Variants in AGBL1 observed in about 807,000 individuals in gnomAD.
The protein encoded by AGBL1 is cytosolic carboxypeptidase 4.
Under a neutral mutation model 118.9 loss-of-function variants are expected in AGBL1, and 130 were observed. The observed-to-expected ratio is 1.09, with a 90% confidence interval of 0.95 to 1.26. AGBL1 has a LOEUF of 1.26. Ranked by LOEUF, AGBL1 falls within the 50% of genes most tolerant of loss-of-function variation. AGBL1 has a pLI of 0.00. For synonymous variants in AGBL1, 555 were observed against 478.9 expected (o/e 1.16, Z -2.08); for missense variants, 1,584 against 1,298.1 (o/e 1.22, Z -3.38).
chr15:86,991,870 A>G (rs994059994), intron 24 of AGBL1, among the ~76,000 whole-genome samples: 3 of 152,228 alleles, frequency 2.0e-5, no homozygotes, highest in Admixed American at 6.5e-5. Context: ...TCCTGAAACA[A>G]TTGTATTAGT....
intron 21 of AGBL1, among the ~76,000 whole-genome samples, chr15:86,654,975 A>C (rs1435950982): frequency 6.6e-6 from 1 of 152,142 alleles, no homozygotes; most frequent in African/African-American, 2.4e-5. Flanking sequence ...TTTTCAGAGC[A>C]GCCTTGCAGA....
intron 22 of AGBL1, among the ~76,000 whole-genome samples, chr15:86,742,001 G>T (rs1240707700): frequency 4.7e-5 from 7 of 148,596 alleles, no homozygotes; most frequent in African/African-American, 1.7e-4. Flanking sequence ...TAAACTATGA[G>T]TGGCTTAAAA....
chr15:86,905,153 G>T (rs943204153), intron 22 of AGBL1, among the ~76,000 whole-genome samples: 1 of 151,932 alleles, frequency 6.6e-6, no homozygotes, highest in Non-Finnish European at 1.5e-5. Context: ...GTGAAGGCTT[G>T]GGAAAATATT....
intron 22 of AGBL1, among the ~76,000 whole-genome samples, chr15:86,837,225 A>AG (rs2079181945): frequency 1.8e-5 from 1 of 55,220 alleles, no homozygotes; most frequent in Non-Finnish European, 4.8e-5. Flanking sequence ...CCTGACTATC[A>AG]AAAAAAAAAA....
chr15:86,317,757 T>C (rs1050016213), intron 17 of AGBL1, among the ~76,000 whole-genome samples: 7 of 152,220 alleles, frequency 4.6e-5, no homozygotes. Flanking sequence ...TCTGACTTTG[T>C]CACACAAAAG....
At chr15:86,906,837 G>A (rs987080665) in intron 22 of AGBL1, among the ~76,000 whole-genome samples, 10 of 152,160 alleles carry the variant, frequency 6.6e-5, no homozygotes, top group Non-Finnish European at 7.3e-5. Flanking sequence ...TCAAGGTTGA[G>A]GACACAGGGG....
intron 22 of AGBL1, among the ~76,000 whole-genome samples, chr15:86,842,884 A>C (rs890124408): frequency 2.6e-4 from 39 of 152,042 alleles, no homozygotes; most frequent in African/African-American, 9.4e-4. Flanking sequence ...AATTGTCTTT[A>C]GCGGGGTTAC....
chr15:86,988,244 C>T lies in AGBL1; in HGVS notation c.3323+156C>T, dbSNP rs567887333. The T allele has an allele frequency of 3.6e-6, 3 of 840,976 alleles. No homozygotes were observed. In the East Asian group the frequency reaches 7.9e-5, roughly 22 times the overall value. The allele number at this position is 840,976 out of a possible 1,614,324, so 52.1% of individuals were successfully genotyped here. A position where few individuals can be genotyped will look rare whatever the true frequency, so the allele number is the denominator to read the frequency against. ...TACCCTTCAGCTTTGCAAGACAATG[C>T]CAACTTCTTTTCCAAAGTGGTTGCA... On this transcript the variant is annotated intron_variant, in intron 24 of 24. Coordinates refer to the AGBL1 transcript ENST00000441037.
intron 3 of AGBL1, among the ~76,000 whole-genome samples, chr15:86,147,315 C>T (rs1007717246): frequency 6.6e-6 from 1 of 152,220 alleles, no homozygotes; most frequent in African/African-American, 2.4e-5. Context: ...AGGGCGTCGC[C>T]TCACCTGAGA....
chr15:86,208,750 T>C (rs1597554090), intron 5 of AGBL1, among the ~76,000 whole-genome samples: 2 of 152,220 alleles, frequency 1.3e-5, no homozygotes, highest in African/African-American at 2.4e-5. Context: ...ATCAATTATG[T>C]TGATGTTTTC....
At chr15:86,727,486 A>G (rs2086838216) in intron 22 of AGBL1, among the ~76,000 whole-genome samples, 1 of 152,168 alleles carries the variant, frequency 6.6e-6, no homozygotes, top group Admixed American at 6.5e-5. Flanking sequence ...ACTAATGAAC[A>G]TAGTCCTTGC....
At chr15:86,150,957 T>C (rs1228181190) in intron 3 of AGBL1, among the ~76,000 whole-genome samples, 2 of 152,122 alleles carry the variant, frequency 1.3e-5, no homozygotes, top group South Asian at 4.1e-4. Flanking sequence ...ATATACACCA[T>C]GGAATACTAT....
rs1166813755 is a variant in AGBL1, at chr15:86,819,989, G to GT, written c.3159-87097dup. Among the ~76,000 whole-genome samples, 10 of 151,976 alleles carry GT rather than the reference G, an allele frequency of 6.6e-5. No homozygotes were observed. The East Asian group carries it at 1.5e-3, about 24-fold the overall frequency. On this transcript the variant is annotated intron_variant, in intron 22 of 22. Coordinates refer to ENST00000614907, the MANE Select transcript of AGBL1 (RefSeq NM_001386094.1). ...ACAGAGGCCTCAGAAATAATGTCAC[G>GT]TATCTACAACCATCTGATCTTTGAC...
At chr15:86,488,391 A>T (rs1332899693) in intron 18 of AGBL1, among the ~76,000 whole-genome samples, 1 of 151,650 alleles carries the variant, frequency 6.6e-6, no homozygotes, top group African/African-American at 2.4e-5. Context: ...TTTGCTTCTC[A>T]TTAGGAGCTG....
At chr15:86,566,191 A>G (rs140534044) in intron 21 of AGBL1, among the ~76,000 whole-genome samples, 3,362 of 152,272 alleles carry the variant, frequency 0.022, 67 homozygotes, top group Non-Finnish European at 0.031. Flanking sequence ...TCAGTTGGAA[A>G]TGCATACATC....
intron 7 of AGBL1, among the ~76,000 whole-genome samples, chr15:86,248,704 A>C (rs891507280): frequency 6.6e-6 from 1 of 152,206 alleles, no homozygotes; most frequent in African/African-American, 2.4e-5. Context: ...ATGACAAACG[A>C]GGCCCTTGAT....
At chr15:86,776,593 A>G (rs2078258136) in intron 22 of AGBL1, among the ~76,000 whole-genome samples, 1 of 149,852 alleles carries the variant, frequency 6.7e-6, no homozygotes, top group Admixed American at 6.7e-5. Flanking sequence ...TAATATTTTC[A>G]TCCAGTTTGT....
chr15:86,361,790 T>C (rs2080809790), intron 17 of AGBL1, among the ~76,000 whole-genome samples: 1 of 152,186 alleles, frequency 6.6e-6, no homozygotes, highest in Admixed American at 6.5e-5. Flanking sequence ...TACTTTCACA[T>C]GGAATATCTT....
At chr15:86,109,112 T>C (rs1463956114) in intron 1 of AGBL1, among the ~76,000 whole-genome samples, 58 of 152,244 alleles carry the variant, frequency 3.8e-4, no homozygotes. Flanking sequence ...AAGGAGTTAG[T>C]ATATCTACTA....
Sources: allele counts gnomAD v4.1 joint callset (sites outside exome capture counted in the v4.1 genomes callset), GRCh38; gene constraint gnomAD v4.1.1; transcripts MANE v1.5; gene names NCBI Gene and HGNC (gene_info 2026-07-23, HGNC 2026-07-21).